Variants in UBA6 observed in about 807,000 individuals in gnomAD.
The protein encoded by UBA6 is ubiquitin-like modifier-activating enzyme 6.
Under a neutral mutation model 148.3 loss-of-function variants are expected in UBA6, and 87 were observed. The observed-to-expected ratio is 0.59, with a 90% CI of 0.49 to 0.70. The LOEUF (loss-of-function observed/expected upper bound fraction) is 0.70, where lower values mean the gene tolerates loss of function less well. Among genes scored for constraint, UBA6 ranks in the 30% least tolerant of loss-of-function variants. The probability of loss-of-function intolerance (pLI) is 0.00; values close to 1 mark genes in which losing one functional copy is unlikely to be tolerated. For missense variants in UBA6, 1,186 were observed against 1,241.2 expected (o/e 0.96, Z 0.67); for synonymous variants, 376 against 401.0 (o/e 0.94, Z 0.75).
At chr4:67,646,189 T>C (rs1280274273) in intron 15 of UBA6, among the ~76,000 whole-genome samples, 173 bp from the exon 16 acceptor site, 1 of 152,182 alleles carries the variant, frequency 6.6e-6, no homozygotes, top group Non-Finnish European at 1.5e-5. Flanking sequence ...ATTTTTCCTT[T>C]TTCCACTTGG....
At position 67,636,515 on chromosome 4, in the gene UBA6, C is replaced by A. The variant is rs532521715; in HGVS notation, c.1737-957G>T. Among the ~76,000 whole-genome samples the A allele has an allele frequency of 1.3e-4, 20 of 152,348 alleles. No homozygotes were observed. In the East Asian group the frequency reaches 3.5e-3, roughly 26 times the overall value. On this transcript the variant is annotated intron_variant, in intron 19 of 32. Transcript: ENST00000322244. ...TGCCTGATTCTCCTGCCTCAGCCTGCCTAGTGCCTGCGATTGCAGGCGCGC... is the reference window on the plus strand; with the variant it reads ...TGCCTGATTCTCCTGCCTCAGCCTGACTAGTGCCTGCGATTGCAGGCGCGC...
intron 12 of UBA6, 99 bp downstream of exon 12, chr4:67,663,040 A>C: frequency 1.3e-6 from 1 of 757,780 alleles, no homozygotes; most frequent in Non-Finnish European, 2.1e-6. Flanking sequence ...ATCTATTGGT[A>C]TTGTAATTAC....
intron 11 of UBA6, 128 bp from the exon 12 acceptor site, chr4:67,663,343 T>A (rs1461504213): frequency 1.7e-6 from 1 of 580,896 alleles, no homozygotes; most frequent in Non-Finnish European, 3.0e-6. Flanking sequence ...TGTTATTAAC[T>A]CTATTTAACA....
At chr4:67,695,461 T>TA (rs1730811401) in intron 2 of UBA6, among the ~76,000 whole-genome samples, 1 of 152,172 alleles carries the variant, frequency 6.6e-6, no homozygotes, top group Admixed American at 6.5e-5. Flanking sequence ...ACCCTATCAA[T>TA]AAAATGGCTA....
intron 4 of UBA6, among the ~76,000 whole-genome samples, chr4:67,680,691 G>A (rs1202227969): frequency 3.3e-5 from 5 of 152,128 alleles, no homozygotes; most frequent in African/African-American, 7.2e-5. Context: ...TTAGGCTTTC[G>A]TGTGATCTCC....
intron 1 of UBA6, among the ~76,000 whole-genome samples, chr4:67,700,259 G>C (rs1033715509): frequency 6.6e-6 from 1 of 152,174 alleles, no homozygotes; most frequent in African/African-American, 2.4e-5. Context: ...CTGGCGAAAA[G>C]GCTACAGGTT....
In UBA6 at chr4:67,645,971, CAA is replaced by C; in HGVS notation, c.1360_1361del (p.Leu454ValfsTer20). ...DALRACIGDTLCQKLQNLNIF... is the reference protein window; with the variant it reads ...DALRACIGDTXCQKLQNLNIF... ...TGTTTAAATTTTGCAGTTTCTGACA[CAA>C]AGTGTCTCCAATGCAAGCTCTTAAG... On this transcript the variant is annotated frameshift_variant, in exon 16 of 33. Coordinates refer to ENST00000322244, the MANE Select transcript of UBA6 (RefSeq NM_018227.6). LOFTEE classifies it high-confidence loss of function. 1 of 1,600,562 alleles carries C rather than the reference CAA, an allele frequency of 6.2e-7. No homozygotes were observed. The highest frequency in any genetic ancestry group is 8.5e-7 in the Non-Finnish European group (1 of 1,172,468).
At chr4:67,664,518 C>T (rs999971458) in intron 10 of UBA6, among the ~76,000 whole-genome samples, 2 of 151,632 alleles carry the variant, frequency 1.3e-5, no homozygotes, top group Non-Finnish European at 2.9e-5. Flanking sequence ...AAAGAAAAGA[C>T]AATTATGTTA....
intron 32 of UBA6, among the ~76,000 whole-genome samples, chr4:67,621,698 G>A (rs1348018505): frequency 2.0e-5 from 3 of 152,058 alleles, no homozygotes; most frequent in South Asian, 2.1e-4. Flanking sequence ...AGCTATACTC[G>A]GGAGGCTGAG....
chr4:67,680,025 T>C (rs560757982), intron 4 of UBA6, among the ~76,000 whole-genome samples: 6 of 152,262 alleles, frequency 3.9e-5, no homozygotes, highest in Admixed American at 6.5e-5. Flanking sequence ...AATGTACACA[T>C]ACATATAAAT....
In UBA6 at chr4:67,633,438, A is replaced by G; in HGVS notation, c.2049T>C (p.Phe683=). 2 of 1,610,494 alleles carry G rather than the reference A, an allele frequency of 1.2e-6. No individual in the cohort carries two copies. Among genetic ancestry groups the G allele is most frequent in the Non-Finnish European group, 1.7e-6 (2 of 1,179,200 alleles). The change falls in exon 23 of 33, where the codon TTT becomes TTC. Residue 683 remains phenylalanine, a synonymous_variant. Coordinates refer to ENST00000322244, the MANE Select transcript of UBA6 (RefSeq NM_018227.6). ...TTCTGCTAAGTAACTTTATAACTTG[A>G]AAACAGCCTTCTAAACTGTGTCCAC... ...IQSGHSLEGC[F]QVIKLLSRRP...
chr4:67,687,540 C>T (rs1260719612), intron 2 of UBA6, among the ~76,000 whole-genome samples: 1 of 152,054 alleles, frequency 6.6e-6, no homozygotes, highest in African/African-American at 2.4e-5. Context: ...ACTCATTTTA[C>T]ATTTAAAGTA....
intron 2 of UBA6, among the ~76,000 whole-genome samples, chr4:67,691,797 A>G (rs1347408907): frequency 8.0e-5 from 11 of 136,714 alleles, no homozygotes; most frequent in Non-Finnish European, 1.6e-4. Flanking sequence ...GGACCATTGT[A>G]AAAAAAAAAA....
At chr4:67,696,984 T>TTTGTTG (rs760770139) in intron 1 of UBA6, among the ~76,000 whole-genome samples, 1 of 152,026 alleles carries the variant, frequency 6.6e-6, no homozygotes, top group Non-Finnish European at 1.5e-5. Flanking sequence ...ATATATATAT[T>TTTGTTG]TTGTTGTTGT....
Position 67,647,712 on chromosome 4 carries a change from G to A in UBA6, c.1249-921C>T, listed in dbSNP as rs140848746. 4.4e-4 allele frequency among the ~76,000 whole-genome samples: 66 copies of A among 150,500 alleles called. 1 individual carries two copies. In the East Asian group the frequency reaches 0.012, roughly 28 times the overall value. On this transcript the variant is annotated intron_variant, in intron 14 of 32. Coordinates refer to ENST00000322244, the MANE Select transcript of UBA6 (RefSeq NM_018227.6). Reference sequence around the variant, plus strand: ...GGCTAAATTTGAACATGAACAAATGGTTATTTATTTTATTATAACACAGAA... The same window carrying A: ...GGCTAAATTTGAACATGAACAAATGATTATTTATTTTATTATAACACAGAA...
At chr4:67,664,163 C>A (rs1367831912) in intron 10 of UBA6, among the ~76,000 whole-genome samples, 1 of 151,988 alleles carries the variant, frequency 6.6e-6, no homozygotes, top group Non-Finnish European at 1.5e-5. Flanking sequence ...ACAACCTGCT[C>A]TACATAATAA....
chr4:67,637,027 G>A (rs1212123609), intron 19 of UBA6, among the ~76,000 whole-genome samples: 12 of 150,244 alleles, frequency 8.0e-5, no homozygotes, highest in Admixed American at 2.6e-4. Context: ...TGTGAGGAGC[G>A]CCTCTGCCCG....
Position 67,616,037 on chromosome 4 carries a change from AAT to A in UBA6, c.*2958_*2959del, listed in dbSNP as rs1463714834. 3 of 387,962 alleles carry A rather than the reference AAT, an allele frequency of 7.7e-6. No homozygotes were observed. Among genetic ancestry groups the A allele is most frequent in the African/African-American group, 4.1e-5 (2 of 48,348 alleles). 24.0% of individuals were successfully genotyped at this position (387,962 alleles called of 1,614,324 possible). A position where few individuals can be genotyped will look rare whatever the true frequency, so the allele number is the denominator to read the frequency against. On this transcript the variant is annotated 3_prime_UTR_variant, in exon 33 of 33. Coordinates refer to ENST00000322244, the MANE Select transcript of UBA6 (RefSeq NM_018227.6). ...CATATTTATATTTTATGTATTTTTGAATATATATGTGTTTTTGAAAAATATAT... is the reference window on the plus strand; with the variant it reads ...CATATTTATATTTTATGTATTTTTGAATATATGTGTTTTTGAAAAATATAT...
chr4:67,633,239 C>T (rs1729042513), intron 23 of UBA6, 106 bp downstream of exon 23: 1 of 1,021,218 alleles, frequency 9.8e-7, no homozygotes, highest in South Asian at 2.4e-5. Context: ...TTCTGAAAAG[C>T]TTGCCAAAAG....
Sources: allele counts gnomAD v4.1 joint callset (sites outside exome capture counted in the v4.1 genomes callset), GRCh38; gene constraint gnomAD v4.1.1; transcripts MANE v1.5; gene names NCBI Gene and HGNC (gene_info 2026-07-23, HGNC 2026-07-21).